CBLN2: variants seen among roughly 807,000 people sequenced by gnomAD.
CBLN2 encodes the protein cerebellin 2 precursor.
A neutral mutation model predicts 15.0 loss-of-function variants in CBLN2; 7 were observed. The ratio of observed to expected loss-of-function variants is 0.47; its 90% confidence interval spans 0.27 to 0.88. The LOEUF (loss-of-function observed/expected upper bound fraction) is 0.88. CBLN2 is among the 40% of genes least tolerant of loss of function. The pLI, the probability that CBLN2 is intolerant of heterozygous loss-of-function variation, is 0.14. For missense variants in CBLN2, 242 were observed against 304.5 expected (o/e 0.79, Z 1.53); for synonymous variants, 149 against 135.2 (o/e 1.10, Z -0.71).
intron 1 of CBLN2, among the ~76,000 whole-genome samples, chr18:72,629,947 T>G (rs2069763757): frequency 6.6e-6 from 1 of 152,206 alleles, no homozygotes; most frequent in Non-Finnish European, 1.5e-5. Context: ...ACCAGCCAAC[T>G]TGTCTCTTAA....
intron 1 of CBLN2, among the ~76,000 whole-genome samples, chr18:72,623,330 T>G (rs1188258916): frequency 6.6e-6 from 1 of 152,008 alleles, no homozygotes; most frequent in Non-Finnish European, 1.5e-5. Context: ...AAAAGGAGGG[T>G]TGGTACTTAA....
At chr18:72,605,010 T>C (rs1303665681) in intron 1 of CBLN2, among the ~76,000 whole-genome samples, 1 of 152,204 alleles carries the variant, frequency 6.6e-6, no homozygotes, top group East Asian at 1.9e-4. Flanking sequence ...GAAAAACTGG[T>C]GGATTAGAGA....
chr18:72,622,783 G>T (rs1464231710), intron 1 of CBLN2, among the ~76,000 whole-genome samples: 1 of 152,116 alleles, frequency 6.6e-6, no homozygotes, highest in Admixed American at 6.6e-5. Flanking sequence ...GGTCTCAATG[G>T]AAAACCGTGT....
At chr18:72,616,492 C>A (rs936000583) in intron 1 of CBLN2, among the ~76,000 whole-genome samples, 11 of 152,126 alleles carry the variant, frequency 7.2e-5, no homozygotes, top group African/African-American at 2.7e-4. Context: ...AATGAGGGAA[C>A]ACAAGGGTGA....
intron 1 of CBLN2, among the ~76,000 whole-genome samples, chr18:72,557,842 C>A (rs1292108471): frequency 6.6e-6 from 1 of 152,162 alleles, no homozygotes; most frequent in African/African-American, 2.4e-5. Flanking sequence ...ATAGGTACAA[C>A]AAGCCACCAC....
intron 4 of CBLN2, 80 bp from the exon 5 acceptor site, chr18:72,538,453 C>T: frequency 6.6e-7 from 1 of 1,509,288 alleles, no homozygotes; most frequent in Non-Finnish European, 9.2e-7. Context: ...CCAATATCCC[C>T]ACTCCCACCC....
chr18:72,618,525 A>T, intron 1 of CBLN2: 6 of 698,142 alleles, frequency 8.6e-6, no homozygotes, highest in South Asian at 8.1e-5. Context: ...TGTGGAACCA[A>T]AAAGCTGTCT....
intron 1 of CBLN2, among the ~76,000 whole-genome samples, chr18:72,571,595 G>A (rs1031687904): frequency 6.6e-6 from 1 of 152,200 alleles, no homozygotes; most frequent in African/African-American, 2.4e-5. Context: ...CTAAGAACAT[G>A]ATGAGATTTA....
At chr18:72,612,044 G>T (rs2069625925) in intron 1 of CBLN2, among the ~76,000 whole-genome samples, 1 of 152,010 alleles carries the variant, frequency 6.6e-6, no homozygotes, top group Non-Finnish European at 1.5e-5. Context: ...AAAATAGATG[G>T]CTGTTAAGTG....
intron 1 of CBLN2, among the ~76,000 whole-genome samples, chr18:72,563,975 T>C (rs756968774): frequency 4.6e-5 from 7 of 152,186 alleles, no homozygotes; most frequent in South Asian, 2.1e-4. Flanking sequence ...AGAAATTGCA[T>C]TGAAACCATG....
At chr18:72,619,102 T>C in intron 1 of CBLN2, 2 of 746,670 alleles carry the variant, frequency 2.7e-6, no homozygotes, top group Non-Finnish European at 4.8e-6. Context: ...AGAGTAAATT[T>C]TGGAGGCAGA....
At chr18:72,623,732 G>T (rs1283667640) in intron 1 of CBLN2, among the ~76,000 whole-genome samples, 1 of 152,092 alleles carries the variant, frequency 6.6e-6, no homozygotes, top group East Asian at 1.9e-4. Context: ...GAGGGGACTT[G>T]GATTGTGAAC....
At chr18:72,628,769 C>T (rs1373358093) in intron 1 of CBLN2, among the ~76,000 whole-genome samples, 2 of 152,180 alleles carry the variant, frequency 1.3e-5, no homozygotes, top group South Asian at 4.1e-4. Flanking sequence ...GCATCATCTT[C>T]AAATATCCTC....
At chr18:72,614,059 T>A (rs1275119443) in intron 1 of CBLN2, among the ~76,000 whole-genome samples, 1 of 152,192 alleles carries the variant, frequency 6.6e-6, no homozygotes, top group Non-Finnish European at 1.5e-5. Context: ...CTCTGTTACA[T>A]AATTTTTAAT....
At chr18:72,556,688 C>G (rs773716550) in intron 1 of CBLN2, among the ~76,000 whole-genome samples, 1 of 151,966 alleles carries the variant, frequency 6.6e-6, no homozygotes, top group African/African-American at 2.4e-5. Context: ...TTCTAAGACT[C>G]AAGGTAAATG....
intron 3 of CBLN2, among the ~76,000 whole-genome samples, chr18:72,541,275 T>C (rs1598987790): frequency 2.0e-5 from 3 of 151,546 alleles, no homozygotes; most frequent in East Asian, 2.2e-4. Flanking sequence ...TCCATCCCTG[T>C]TCTTCCTCAC....
At chr18:72,592,387 T>TA (rs2069485753) in intron 1 of CBLN2, among the ~76,000 whole-genome samples, 2 of 152,130 alleles carry the variant, frequency 1.3e-5, no homozygotes. Context: ...GCTCCTTATA[T>TA]ATTCTGGTTA....
chr18:72,633,043 C>T (rs762099413), intron 1 of CBLN2, among the ~76,000 whole-genome samples: 2 of 152,086 alleles, frequency 1.3e-5, no homozygotes, highest in Admixed American at 6.6e-5. Context: ...ATGAAAAAGT[C>T]GCTTCGATTG....
intron 1 of CBLN2, among the ~76,000 whole-genome samples, chr18:72,567,319 A>T (rs1599002321): frequency 7.2e-6 from 1 of 138,714 alleles, no homozygotes; most frequent in African/African-American, 2.7e-5. Flanking sequence ...ATTCTTTTTA[A>T]AAAAAATCCA....
Sources: gnomAD v4.1 joint callset for allele counts (sites outside exome capture counted in the v4.1 genomes callset) on GRCh38, gnomAD v4.1.1 for gene constraint, MANE v1.5 for transcripts, NCBI Gene and HGNC (gene_info 2026-07-23, HGNC 2026-07-21) for gene names.